Variants in CACNG2 observed in about 807,000 individuals in gnomAD.
CACNG2 encodes the protein calcium voltage-gated channel auxiliary subunit gamma 2.
Under a neutral mutation model 25.9 loss-of-function variants are expected in CACNG2, and 3 were observed. The observed-to-expected ratio is 0.12, with a 90% confidence interval of 0.05 to 0.30. CACNG2 has a LOEUF of 0.30. Among genes scored for constraint, CACNG2 ranks in the 10% least tolerant of loss-of-function variants. The pLI, the probability that CACNG2 is intolerant of heterozygous loss-of-function variation, is 1.00. For missense variants in CACNG2, 341 were observed against 432.5 expected, an observed-to-expected ratio of 0.79 and a Z score of 1.88; for synonymous variants, 167 against 173.3, an observed-to-expected ratio of 0.96 and a Z score of 0.29.
At chr22:36,611,510 T>C (rs947608013) in intron 1 of CACNG2, among the ~76,000 whole-genome samples, 23 of 152,186 alleles carry the variant, frequency 1.5e-4, no homozygotes, top group Non-Finnish European at 2.9e-4. Flanking sequence ...GGTAAACAGC[T>C]GTGTTTGTGA....
intron 1 of CACNG2, among the ~76,000 whole-genome samples, chr22:36,686,560 A>G (rs1937201424): frequency 6.6e-6 from 1 of 152,206 alleles, no homozygotes; most frequent in East Asian, 1.9e-4. Context: ...ATCCACCCTC[A>G]AAGAGGCAGC....
At chr22:36,566,586 G>GTGTCCATAAACCCCCA in intron 2 of CACNG2, 93 bp from the exon 3 acceptor site, 1 of 1,340,398 alleles carries the variant, frequency 7.5e-7, no homozygotes, top group Non-Finnish European at 1.1e-6. Flanking sequence ...CCGAGGCGCT[G>GTGTCCATAAACCCCCA]GGGGTTTATG....
chr22:36,583,249 A>G (rs941690172), intron 2 of CACNG2, among the ~76,000 whole-genome samples: 1 of 152,104 alleles, frequency 6.6e-6, no homozygotes, highest in Non-Finnish European at 1.5e-5. Flanking sequence ...CCTGGTCAAC[A>G]TGGCAAAATC....
Position 36,645,536 on chromosome 22 carries a change from C to CAAAAAAAAAAAA in CACNG2, c.211+56818_211+56829dup, listed in dbSNP as rs200600420. Among the ~76,000 whole-genome samples the CAAAAAAAAAAAA allele has an allele frequency of 6.6e-4, 89 of 134,846 alleles. 1 individual carries two copies. Among genetic ancestry groups the CAAAAAAAAAAAA allele is most frequent in the African/African-American group, 2.4e-3 (88 of 36,336 alleles). 88.5% of individuals were successfully genotyped at this position (134,846 alleles called of 152,430 possible). ...TGGGCGACAGAGCAAGACTCTGTCT[C>CAAAAAAAAAAAA]AAAAAAAAAAAAAAAAAAAAAAAAA... is the stretch of plus-strand genomic sequence containing the variant. On this transcript the variant is annotated intron_variant, in intron 1 of 3. Coordinates refer to ENST00000300105, the MANE Select transcript of CACNG2 (RefSeq NM_006078.5).
intron 1 of CACNG2, among the ~76,000 whole-genome samples, chr22:36,667,584 A>C (rs539412197): frequency 3.3e-5 from 5 of 152,300 alleles, no homozygotes; most frequent in Admixed American, 3.3e-4. Flanking sequence ...TTATTATTAC[A>C]AAGTAAGCAT....
In CACNG2 at chr22:36,702,348, A is replaced by C. The variant is rs1937421453; in HGVS notation, c.211+18T>G. 6.4e-7 allele frequency: 1 copy of C among 1,562,832 alleles called. No individual in the cohort carries two copies. The highest frequency in any genetic ancestry group is 8.8e-7 in the Non-Finnish European group (1 of 1,136,214). ...AGGGGTGGGGTGGAGAGGGGGGAGG[A>C]GATGGGAAGTCAAGTACCTTCTAGG... On this transcript the variant is annotated intron_variant, in intron 1 of 3. Transcript: ENST00000300105.
At chr22:36,679,101 G>GT (rs1318858901) in intron 1 of CACNG2, among the ~76,000 whole-genome samples, 2 of 152,024 alleles carry the variant, frequency 1.3e-5, no homozygotes, top group Non-Finnish European at 2.9e-5. Flanking sequence ...AAATCATTTT[G>GT]TTGGCAGCTT....
chr22:36,569,688 C>T (rs111923883), intron 2 of CACNG2, among the ~76,000 whole-genome samples: 5 of 152,248 alleles, frequency 3.3e-5, no homozygotes, highest in African/African-American at 7.2e-5. Flanking sequence ...TATAGGCGCC[C>T]GCCACCATGT....
chr22:36,649,800 C>T (rs532680945), intron 1 of CACNG2, among the ~76,000 whole-genome samples: 8 of 152,220 alleles, frequency 5.3e-5, no homozygotes, highest in Non-Finnish European at 7.3e-5. Context: ...CCTGCACACG[C>T]TGTCTTGCCT....
At chr22:36,638,458 A>G (rs1339579170) in intron 1 of CACNG2, among the ~76,000 whole-genome samples, 1 of 152,074 alleles carries the variant, frequency 6.6e-6, no homozygotes, top group Non-Finnish European at 1.5e-5. Context: ...AGCTTCTGGT[A>G]CTTTCTGGAA....
At chr22:36,679,207 T>TTTCTTTCC (rs1569049885) in intron 1 of CACNG2, among the ~76,000 whole-genome samples, 52 of 146,210 alleles carry the variant, frequency 3.6e-4, no homozygotes, top group African/African-American at 1.4e-3. Flanking sequence ...CCTTTCTTTC[T>TTTCTTTCC]TTCTTTCTTT....
chr22:36,606,013 G>A lies in CACNG2; in HGVS notation c.212-18465C>T, dbSNP rs888431388. Among the ~76,000 whole-genome samples the A allele has an allele frequency of 1.6e-4, 24 of 152,186 alleles. No homozygotes were observed. Among genetic ancestry groups the A allele is most frequent in the Non-Finnish European group, 2.9e-4 (20 of 68,030 alleles). The stretch of plus-strand genomic sequence containing the variant: ...CTGTGGTGTGGTGGCTGTGCCTCTC[G>A]CAGGAGAGCGTGGGTCTGAGTTCTC... On this transcript the variant is annotated intron_variant, in intron 1 of 3. Coordinates refer to ENST00000300105, the MANE Select transcript of CACNG2 (RefSeq NM_006078.5). The surrounding 1 kb of genome is among the most constrained non-coding windows in gnomAD (Gnocchi z 5.7).
intron 1 of CACNG2, among the ~76,000 whole-genome samples, chr22:36,626,456 C>G (rs1936184892): frequency 6.6e-6 from 1 of 152,052 alleles, no homozygotes; most frequent in Admixed American, 6.6e-5. Context: ...TTATCCTCTT[C>G]TTCTTCCTTC....
chr22:36,590,225 G>A (rs920440205), intron 1 of CACNG2, among the ~76,000 whole-genome samples: 1 of 152,216 alleles, frequency 6.6e-6, no homozygotes, highest in African/African-American at 2.4e-5. Context: ...TCCTAGCGCA[G>A]TGCCTGGCAC....
chr22:36,605,380 A>T (rs1011801186), intron 1 of CACNG2, among the ~76,000 whole-genome samples: 2 of 152,218 alleles, frequency 1.3e-5, no homozygotes, highest in Non-Finnish European at 2.9e-5. Context: ...CGGCCCCAAC[A>T]TAACTTTTAT....
At chr22:36,659,566 G>C (rs542880106) in intron 1 of CACNG2, among the ~76,000 whole-genome samples, 3 of 151,210 alleles carry the variant, frequency 2.0e-5, no homozygotes, top group Admixed American at 2.0e-4. Context: ...CCTGTGACCC[G>C]GGCTGAGGGG....
chr22:36,578,623 GT>G (rs1344140630), intron 2 of CACNG2, among the ~76,000 whole-genome samples: 1 of 152,150 alleles, frequency 6.6e-6, no homozygotes, highest in African/African-American at 2.4e-5. Context: ...ATGTTCCCTG[GT>G]GGGACTGGTG....
chr22:36,575,851 T>C (rs947853526), intron 2 of CACNG2, among the ~76,000 whole-genome samples: 2 of 152,226 alleles, frequency 1.3e-5, no homozygotes, highest in Non-Finnish European at 1.5e-5. Context: ...CCTAGTGTTA[T>C]GCTCTTATCC....
chr22:36,572,026 G>A (rs1935238524), intron 2 of CACNG2, among the ~76,000 whole-genome samples: 1 of 151,892 alleles, frequency 6.6e-6, no homozygotes, highest in South Asian at 2.1e-4. Context: ...CCTATAAATT[G>A]TCCTCACTTC....
Sources: gnomAD v4.1 joint callset for allele counts (sites outside exome capture counted in the v4.1 genomes callset) on GRCh38, gnomAD v4.1.1 for gene constraint, Gnocchi (gnomAD v3.1) non-coding constraint, MANE v1.5 for transcripts, NCBI Gene and HGNC (gene_info 2026-07-23, HGNC 2026-07-21) for gene names.